The following EXOC4 variants were observed in gnomAD, a reference collection of about 807,000 sequenced individuals.
The protein encoded by EXOC4 is SEC8-like 1.
Under a neutral mutation model 107.2 loss-of-function variants are expected in EXOC4, and 71 were observed. That is an observed-to-expected ratio of 0.66 (90% CI 0.55 to 0.81). The LOEUF is 0.81. Ranked by LOEUF, EXOC4 falls within the 30% of genes least tolerant of loss-of-function variation. EXOC4 has a pLI of 0.00. For synonymous variants in EXOC4, 456 were observed against 441.2 expected, an observed-to-expected ratio of 1.03 and a Z score of -0.42; for missense variants, 1,108 against 1,189.6, an observed-to-expected ratio of 0.93 and a Z score of 1.01.
At chr7:133,641,232 G>T (rs1468008162) in intron 10 of EXOC4, among the ~76,000 whole-genome samples, 1 of 152,058 alleles carries the variant, frequency 6.6e-6, no homozygotes, top group African/African-American at 2.4e-5. Flanking sequence ...CATCCTTCTG[G>T]TCCCTAACAG....
At chr7:133,340,045 T>C (rs1309008681) in intron 5 of EXOC4, among the ~76,000 whole-genome samples, 1 of 152,202 alleles carries the variant, frequency 6.6e-6, no homozygotes, top group Non-Finnish European at 1.5e-5. Context: ...TCCAGGAGTA[T>C]GTTGAACAGA....
chr7:133,351,985 T>C (rs1404670336), intron 5 of EXOC4, among the ~76,000 whole-genome samples: 1 of 152,010 alleles, frequency 6.6e-6, no homozygotes, highest in Non-Finnish European at 1.5e-5. Context: ...TTGTGTATTT[T>C]CCCTTTTTAA....
downstream of EXOC4, among the ~76,000 whole-genome samples, chr7:134,070,318 G>T (rs1248986922): frequency 2.0e-5 from 3 of 152,210 alleles, no homozygotes; most frequent in Non-Finnish European, 4.4e-5. Flanking sequence ...AATGAACTGC[G>T]CAGCTGGAAG....
intron 10 of EXOC4, among the ~76,000 whole-genome samples, chr7:133,636,596 C>T (rs2151020679): frequency 6.6e-6 from 1 of 152,270 alleles, no homozygotes; most frequent in South Asian, 2.1e-4. Flanking sequence ...AGTGACATGG[C>T]AGAGGCAGGA....
chr7:133,576,239 A>G (rs1382389518), intron 9 of EXOC4, among the ~76,000 whole-genome samples: 2 of 152,184 alleles, frequency 1.3e-5, no homozygotes, highest in South Asian at 2.1e-4. Context: ...ATGGGTGCCA[A>G]TAGTTCTTAC....
chr7:133,552,650 G>A (rs1800613543), intron 9 of EXOC4, among the ~76,000 whole-genome samples: 1 of 152,054 alleles, frequency 6.6e-6, no homozygotes, highest in African/African-American at 2.4e-5. Flanking sequence ...GTAATGAGGA[G>A]GGATAGTTTC....
intron 3 of EXOC4, among the ~76,000 whole-genome samples, chr7:133,300,637 C>T (rs78479903): frequency 1.4e-3 from 212 of 152,268 alleles, no homozygotes; most frequent in African/African-American, 4.8e-3. Context: ...ATGTCACATA[C>T]ATATATATTG....
At chr7:133,391,236 G>A (rs1796845325) in intron 7 of EXOC4, among the ~76,000 whole-genome samples, 1 of 152,216 alleles carries the variant, frequency 6.6e-6, no homozygotes, top group African/African-American at 2.4e-5. Context: ...CTTTGGATAT[G>A]ATTTCACAGG....
intron 10 of EXOC4, among the ~76,000 whole-genome samples, chr7:133,800,665 G>A (rs1038685701): frequency 6.6e-6 from 1 of 152,160 alleles, no homozygotes; most frequent in Non-Finnish European, 1.5e-5. Flanking sequence ...TAGTCAAAAA[G>A]AATTCATTTA....
chr7:133,850,312 C>T (rs907686557), intron 11 of EXOC4, among the ~76,000 whole-genome samples: 6 of 152,240 alleles, frequency 3.9e-5, no homozygotes, highest in Non-Finnish European at 7.4e-5. Context: ...TATAGGCTAC[C>T]ATTTCCCAAA....
At chr7:133,393,599 G>T (rs13225814) in intron 7 of EXOC4, among the ~76,000 whole-genome samples, 22,177 of 152,094 alleles carry the variant, frequency 0.15, 2,064 homozygotes, top group South Asian at 0.22. Flanking sequence ...CATGATAGCA[G>T]AGCCCTCATG....
intron 13 of EXOC4, among the ~76,000 whole-genome samples, chr7:133,926,335 G>T (rs1800052002): frequency 6.6e-6 from 1 of 152,094 alleles, no homozygotes; most frequent in Non-Finnish European, 1.5e-5. Context: ...GGAATTTGTG[G>T]ATTTTGACAT....
chr7:133,604,173 T>C (rs1436213830), intron 9 of EXOC4, among the ~76,000 whole-genome samples: 1 of 152,214 alleles, frequency 6.6e-6, no homozygotes, highest in Non-Finnish European at 1.5e-5. Flanking sequence ...AGCTGTCAGC[T>C]CTTATGATAA....
chr7:133,993,741 G>C (rs918174941), intron 14 of EXOC4, among the ~76,000 whole-genome samples: 1 of 152,264 alleles, frequency 6.6e-6, no homozygotes. Context: ...CTCTTAATAG[G>C]AAGATGATGC....
chr7:134,024,410 C>T lies in EXOC4; in HGVS notation c.2687+16575C>T, dbSNP rs185987857. 7.5e-4 allele frequency among the ~76,000 whole-genome samples: 113 copies of T among 150,808 alleles called. 1 individual carries two copies. Among genetic ancestry groups the T allele is most frequent in the Non-Finnish European group, 5.2e-4 (35 of 67,860 alleles). ...AGCTTCCAGTGAGCCGAGATCGCGC[C>T]ACTGCACTCTAGCCTGGGTTACAGA... On this transcript the variant is annotated intron_variant, in intron 17 of 17. Coordinates refer to ENST00000253861, the MANE Select transcript of EXOC4 (RefSeq NM_021807.4).
chr7:133,476,000 TTAA>T (rs1799003620), intron 8 of EXOC4, among the ~76,000 whole-genome samples: 1 of 152,132 alleles, frequency 6.6e-6, no homozygotes. Flanking sequence ...CAGCTAATAG[TTAA>T]TAATATTGAT....
chr7:133,847,778 G>A (rs947432219), intron 11 of EXOC4, among the ~76,000 whole-genome samples: 2 of 151,456 alleles, frequency 1.3e-5, no homozygotes, highest in South Asian at 2.1e-4. Flanking sequence ...GCATGATCTC[G>A]GCTCACTGCA....
chr7:133,649,031 AAGCCTCAGTAT>A (rs1437173242), intron 10 of EXOC4, among the ~76,000 whole-genome samples: 18 of 152,308 alleles, frequency 1.2e-4, no homozygotes, highest in African/African-American at 4.1e-4. Context: ...GTAGTTTTAC[AAGCCTCAGTAT>A]ACCACTCATA....
chr7:134,035,665 AGGGTGGCTTGT>A (rs1335062061), intron 17 of EXOC4, among the ~76,000 whole-genome samples: 1 of 152,048 alleles, frequency 6.6e-6, no homozygotes, highest in Non-Finnish European at 1.5e-5. Context: ...GTCCCAAGGT[AGGGTGGCTTGT>A]GGGTGGGCTA....
Sources: gnomAD v4.1 joint callset for allele counts (sites outside exome capture counted in the v4.1 genomes callset) on GRCh38, gnomAD v4.1.1 for gene constraint, MANE v1.5 for transcripts, NCBI Gene and HGNC (gene_info 2026-07-23, HGNC 2026-07-21) for gene names.